The following RWDD2B variants were observed in gnomAD, a reference collection of about 807,000 sequenced individuals.
RWDD2B encodes RWD domain containing 2B.
In RWDD2B, 36 loss-of-function variants were observed where a neutral mutation model predicts 33.6. That is an observed-to-expected ratio of 1.07 (90% CI 0.82 to 1.42). The LOEUF (loss-of-function observed/expected upper bound fraction) is 1.42. RWDD2B is among the 40% of genes most tolerant of loss of function. The pLI is 0.00. For missense variants in RWDD2B, 364 were observed against 377.5 expected (o/e 0.96, Z 0.30); for synonymous variants, 126 against 133.1 (o/e 0.95, Z 0.37).
At position 29,008,569 on chromosome 21, in the gene RWDD2B, A is replaced by T; in HGVS notation, c.120T>A (p.Leu40=). Residue 40 remains leucine, a synonymous_variant, in exon 2 of 5, where the codon CTT becomes CTA. Coordinates refer to ENST00000493196, the MANE Select transcript of RWDD2B (RefSeq NM_016940.3). ...MIEMEQAEAQ[L]AELDLLASMF... ...TACTGGCTAGCAGGTCTAACTCAGC[A>T]AGCTGGGCCTCCGCCTGCTCCATCT... The T allele has an allele frequency of 6.2e-7, 1 of 1,614,118 alleles. No individual in the cohort carries two copies. The highest frequency in any genetic ancestry group is 8.5e-7 in the Non-Finnish European group (1 of 1,180,038).
chr21:29,017,370 G>A (rs899681736), intron 1 of RWDD2B, among the ~76,000 whole-genome samples: 1 of 151,976 alleles, frequency 6.6e-6, no homozygotes, highest in Non-Finnish European at 1.5e-5. Context: ...CCAGCACTTT[G>A]GGAGGATGAG....
intron 1 of RWDD2B, among the ~76,000 whole-genome samples, chr21:29,012,665 A>G (rs2084870264): frequency 6.6e-6 from 1 of 151,944 alleles, no homozygotes; most frequent in South Asian, 2.1e-4. Context: ...TGCCTAGGAA[A>G]ACCAGAGACC....
At chr21:29,008,732 A>T in intron 1 of RWDD2B, 111 bp from the exon 2 acceptor site, 1 of 703,984 alleles carries the variant, frequency 1.4e-6, no homozygotes, top group Admixed American at 2.9e-5. Flanking sequence ...TAAATTGTAC[A>T]ATTTAATTAG....
At chr21:29,009,017 A>G (rs1036490972) in intron 1 of RWDD2B, among the ~76,000 whole-genome samples, 2 of 152,360 alleles carry the variant, frequency 1.3e-5, no homozygotes, top group Admixed American at 6.5e-5. Context: ...CTGGAAACCT[A>G]GAATGAACAA....
chr21:29,004,478 G>A lies in RWDD2B; in HGVS notation c.*1939C>T, dbSNP rs189346086. The A allele has an allele frequency of 2.7e-4, 41 of 152,348 alleles. No homozygotes were observed. The highest frequency in any genetic ancestry group is 4.9e-4 in the Non-Finnish European group (33 of 68,026). 9.4% of individuals were successfully genotyped at this position (152,348 alleles called of 1,614,324 possible). On this transcript the variant is annotated 3_prime_UTR_variant, in exon 5 of 5. Coordinates refer to ENST00000493196, the MANE Select transcript of RWDD2B (RefSeq NM_016940.3). ...ATGTAGAGAGACTGAAAAAGTTTTA[G>A]CAGTTTAGCTGCCACTTTAGCTGCT...
In RWDD2B at chr21:29,007,741, A is replaced by G. The variant is rs2084835439; in HGVS notation, c.725+20T>C. 6.2e-7 allele frequency: 1 copy of G among 1,601,682 alleles called. No homozygotes were observed. Among genetic ancestry groups the G allele is most frequent in the African/African-American group, 1.3e-5 (1 of 74,612 alleles). On this transcript the variant is annotated intron_variant, in intron 4 of 4. Transcript: ENST00000493196. ...ATTAACATTATTGACATGACTTCAT[A>G]TACATATGTAAAAGCAAACCTTGAC...
rs1446709940 is a variant in RWDD2B, at chr21:29,008,466, T to A, written c.223A>T (p.Thr75Ser). Residue 75 changes from threonine to serine, a missense_variant, in exon 2 of 5, where the codon ACA becomes TCA. Coordinates refer to ENST00000493196, the MANE Select transcript of RWDD2B (RefSeq NM_016940.3). Reference sequence around the variant, plus strand: ...ACTTTTGAAGATCGCCCCTCCATTGTCTTCTTTTCAATACAATCTTTCAGT... The same window carrying A: ...ACTTTTGAAGATCGCCCCTCCATTGACTTCTTTTCAATACAATCTTTCAGT... ...AELKDCIEKK[T>S]MEGRSSKVYF... 6.2e-7 allele frequency: 1 copy of A among 1,614,120 alleles called. No individual in the cohort carries two copies. The highest frequency in any genetic ancestry group is 1.3e-5 in the African/African-American group (1 of 74,940).
chr21:29,010,603 G>A (rs1373536515), intron 1 of RWDD2B, among the ~76,000 whole-genome samples: 5 of 120,134 alleles, frequency 4.2e-5, no homozygotes, highest in African/African-American at 1.1e-4. Flanking sequence ...GTGAAACTCC[G>A]TCTCAAAAAA....
In RWDD2B at chr21:29,008,626, G is replaced by A; in HGVS notation, c.68-5C>T. 3 of 1,603,372 alleles carry A rather than the reference G, an allele frequency of 1.9e-6. No individual in the cohort carries two copies. Among genetic ancestry groups the A allele is most frequent in the Non-Finnish European group, 2.6e-6 (3 of 1,173,092 alleles). ...TTTTTGGACATGTGTAAGTTTCTAA[G>A]GAGGTAAAGATAAGAGAGACAATTT... On this transcript the variant is annotated splice_region_variant and splice_polypyrimidine_tract_variant and intron_variant, in intron 1 of 4. Coordinates refer to ENST00000493196, the MANE Select transcript of RWDD2B (RefSeq NM_016940.3).
chr21:29,014,422 G>A (rs933320058), intron 1 of RWDD2B, among the ~76,000 whole-genome samples: 3 of 152,102 alleles, frequency 2.0e-5, no homozygotes, highest in African/African-American at 7.2e-5. Flanking sequence ...CCTCTGAAAG[G>A]TCCCACCACT....
chr21:29,010,859 G>A (rs1480544425), intron 1 of RWDD2B, among the ~76,000 whole-genome samples: 1 of 152,066 alleles, frequency 6.6e-6, no homozygotes, highest in African/African-American at 2.4e-5. Flanking sequence ...TGGTGGAGAC[G>A]GGGTTTCGCT....
intron 1 of RWDD2B, among the ~76,000 whole-genome samples, chr21:29,011,543 G>C (rs912762965): frequency 6.6e-6 from 1 of 150,956 alleles, no homozygotes; most frequent in African/African-American, 2.4e-5. Flanking sequence ...AGGTGGGGGG[G>C]GGTCAGCCCC....
intron 1 of RWDD2B, among the ~76,000 whole-genome samples, chr21:29,017,067 T>C (rs2146342000): frequency 6.6e-6 from 1 of 151,704 alleles, no homozygotes; most frequent in East Asian, 2.0e-4. Context: ...GAGACGGGGT[T>C]TCACCACGTT....
intron 4 of RWDD2B, 69 bp downstream of exon 4, chr21:29,007,692 G>A (rs1246325012): frequency 2.0e-6 from 3 of 1,519,632 alleles, no homozygotes; most frequent in African/African-American, 2.8e-5. Flanking sequence ...TCACTAGGCA[G>A]CACATGACTG....
In RWDD2B at chr21:29,006,313, T is replaced by C. The variant is rs2084828107; in HGVS notation, c.*104A>G. 4 of 721,468 alleles carry C rather than the reference T, an allele frequency of 5.5e-6. No homozygotes were observed. In the South Asian group the frequency reaches 6.2e-5, roughly 11 times the overall value. The allele number at this position is 721,468 out of a possible 1,614,324, so 44.7% of individuals were successfully genotyped here. On this transcript the variant is annotated 3_prime_UTR_variant, in exon 5 of 5. Coordinates refer to ENST00000493196, the MANE Select transcript of RWDD2B (RefSeq NM_016940.3). ...TTTTCTTGTGCCCCACTCCCCAACA[T>C]TCTAGAATGGAACTAAAATAAAATT... is the stretch of plus-strand genomic sequence containing the variant.
intron 1 of RWDD2B, among the ~76,000 whole-genome samples, chr21:29,008,847 A>G (rs1194739692): frequency 6.6e-6 from 1 of 152,180 alleles, no homozygotes; most frequent in African/African-American, 2.4e-5. Context: ...AAACACAAAA[A>G]AACTCTTAAT....
At chr21:29,016,737 A>G (rs192565012) in intron 1 of RWDD2B, among the ~76,000 whole-genome samples, 2 of 152,138 alleles carry the variant, frequency 1.3e-5, no homozygotes, top group Non-Finnish European at 2.9e-5. Context: ...CTCTGTTACC[A>G]GTGTTTTTGG....
At chr21:29,008,182 G>A in intron 3 of RWDD2B, 58 bp downstream of exon 3, 1 of 1,608,662 alleles carries the variant, frequency 6.2e-7, no homozygotes, top group Non-Finnish European at 8.5e-7. Context: ...TTCGAGAATT[G>A]CTTTTATTCT....
At position 29,005,706 on chromosome 21, in the gene RWDD2B, C is replaced by G. The variant is rs957906305; in HGVS notation, c.*711G>C. On this transcript the variant is annotated 3_prime_UTR_variant, in exon 5 of 5. Coordinates refer to ENST00000493196, the MANE Select transcript of RWDD2B (RefSeq NM_016940.3). ...TGAGCGGAGGTTGCACCATTGCACTCTAGCCCGGGCGACAGAGCAAGACTC... is the reference window on the plus strand; with the variant it reads ...TGAGCGGAGGTTGCACCATTGCACTGTAGCCCGGGCGACAGAGCAAGACTC... 1 of 152,236 alleles carries G rather than the reference C, an allele frequency of 6.6e-6. No homozygotes were observed. Among genetic ancestry groups the G allele is most frequent in the Non-Finnish European group, 1.5e-5 (1 of 68,110 alleles). 9.4% of individuals were successfully genotyped at this position (152,236 alleles called of 1,614,324 possible).
Sources: gnomAD v4.1 joint callset for allele counts (sites outside exome capture counted in the v4.1 genomes callset) on GRCh38, gnomAD v4.1.1 for gene constraint, MANE v1.5 for transcripts, NCBI Gene and HGNC (gene_info 2026-07-23, HGNC 2026-07-21) for gene names.